ZFHX3: variants seen among roughly 807,000 people sequenced by gnomAD.
The protein encoded by ZFHX3 is zinc finger homeobox 3, also known as zinc finger homeobox protein 3.
In ZFHX3, 42 loss-of-function variants were observed where a neutral mutation model predicts 279.1. That is an observed-to-expected ratio of 0.15 (90% confidence interval 0.12 to 0.19). The LOEUF (loss-of-function observed/expected upper bound fraction) is 0.19, where lower values mean the gene tolerates loss of function less well. Ranked by LOEUF, ZFHX3 falls within the 10% of genes least tolerant of loss-of-function variation. The pLI, the probability that ZFHX3 is intolerant of heterozygous loss-of-function variation, is 1.00. For missense variants in ZFHX3, 4,981 were observed against 4,754.0 expected, an observed-to-expected ratio of 1.05 and a Z score of -1.40; for synonymous variants, 2,293 against 1,957.8, an observed-to-expected ratio of 1.17 and a Z score of -4.52.
intron 1 of ZFHX3, among the ~76,000 whole-genome samples, chr16:73,699,450 T>C (rs2053227410): frequency 1.3e-5 from 2 of 152,202 alleles, no homozygotes; most frequent in Admixed American, 6.5e-5. Context: ...TTCTCTATTG[T>C]TTTTACTTTG....
intron 2 of ZFHX3, among the ~76,000 whole-genome samples, chr16:73,538,593 G>C (rs896350293): frequency 1.8e-4 from 27 of 152,232 alleles, no homozygotes; most frequent in African/African-American, 6.3e-4. Flanking sequence ...CAAAAGATCT[G>C]GGAAAGTAAC....
intron 1 of ZFHX3, among the ~76,000 whole-genome samples, chr16:73,817,159 G>C (rs1196821374): frequency 6.6e-6 from 1 of 152,158 alleles, no homozygotes; most frequent in Non-Finnish European, 1.5e-5. Context: ...TTCACATGCA[G>C]CCACGTGCAT....
chr16:73,372,566 T>C (rs2016649963), intron 3 of ZFHX3, among the ~76,000 whole-genome samples: 1 of 152,232 alleles, frequency 6.6e-6, no homozygotes. Flanking sequence ...ATTCCTTGCA[T>C]CCTGTAATGA....
At chr16:73,747,171 T>G (rs1474596222) in intron 1 of ZFHX3, among the ~76,000 whole-genome samples, 1 of 152,210 alleles carries the variant, frequency 6.6e-6, no homozygotes, top group African/African-American at 2.4e-5. Context: ...AGAGAATCAC[T>G]TGAGGCCAGG....
At chr16:73,309,002 A>G (rs986190577) in intron 4 of ZFHX3, among the ~76,000 whole-genome samples, 1 of 152,160 alleles carries the variant, frequency 6.6e-6, no homozygotes, top group Admixed American at 6.5e-5. Context: ...GGGTTTATAT[A>G]GAAAACAAGA....
Position 72,959,614 on chromosome 16 carries a change from C to T in ZFHX3, c.532G>A (p.Gly178Arg), listed in dbSNP as rs1257800806. 2 of 1,614,038 alleles carry T rather than the reference C, an allele frequency of 1.2e-6. No individual in the cohort carries two copies. Among genetic ancestry groups the T allele is most frequent in the Non-Finnish European group, 8.5e-7 (1 of 1,180,044 alleles). ...CACGAAGGGTCCCCTTGCTTGCCCC[C>T]CGCGCCAGGGAGAGAGTTCAGGAAA... ...SLFLNSLPGA[G>R]GKQGDPSCAA... Residue 178 changes from glycine (G) to arginine (R), a missense_variant, in exon 2 of 10, where the codon GGG becomes AGG. Gly to Arg is a moderately radical substitution (Grantham distance 125). This residue lies in a region of ZFHX3 where 1,068 missense variants were observed against 935.2 expected (regional missense o/e 1.14). Coordinates refer to ENST00000268489, the MANE Select transcript of ZFHX3 (RefSeq NM_006885.4).
intron 3 of ZFHX3, among the ~76,000 whole-genome samples, chr16:73,350,642 T>C (rs1477727420): frequency 6.6e-6 from 1 of 152,210 alleles, no homozygotes; most frequent in Non-Finnish European, 1.5e-5. Context: ...GCTTCTCATA[T>C]AGGCTTATGT....
At chr16:73,842,295 C>T (rs1214303169) in intron 1 of ZFHX3, among the ~76,000 whole-genome samples, 2 of 152,094 alleles carry the variant, frequency 1.3e-5, no homozygotes, top group Non-Finnish European at 2.9e-5. Context: ...TTGATGCTTC[C>T]TGCCACCAGG....
intron 1 of ZFHX3, among the ~76,000 whole-genome samples, chr16:73,021,634 C>A (rs185689993): frequency 6.6e-6 from 1 of 151,444 alleles, no homozygotes; most frequent in African/African-American, 2.4e-5. Context: ...AGTTTGAGAC[C>A]AGCCTGGCCA....
chr16:73,804,959 A>AGAGGGAGAGGAAGGGAGGGAGG (rs1960239436), intron 1 of ZFHX3, among the ~76,000 whole-genome samples: 1 of 133,850 alleles, frequency 7.5e-6, no homozygotes, highest in African/African-American at 2.8e-5. Flanking sequence ...AGGGAGGGAG[A>AGAGGGAGAGGAAGGGAGGGAGG]GAGGGAGGGA....
At chr16:72,820,221 C>T (rs13336787) in intron 5 of ZFHX3, among the ~76,000 whole-genome samples, 4,693 of 152,254 alleles carry the variant, frequency 0.031, 260 homozygotes, top group African/African-American at 0.11. Flanking sequence ...GGTGGGCACA[C>T]GCTGACCGGT....
chr16:73,252,017 G>T (rs1012383926), intron 5 of ZFHX3, among the ~76,000 whole-genome samples: 5 of 136,370 alleles, frequency 3.7e-5, no homozygotes, highest in Admixed American at 7.5e-5. Context: ...ACCTCTTTAT[G>T]TCTTTGGGGG....
chr16:73,469,166 A>G (rs2018620626), intron 2 of ZFHX3, among the ~76,000 whole-genome samples: 1 of 152,194 alleles, frequency 6.6e-6, no homozygotes, highest in Non-Finnish European at 1.5e-5. Flanking sequence ...GATAATCTGA[A>G]CCTTGGAAAG....
At chr16:73,695,161 C>G (rs926100182) in intron 1 of ZFHX3, among the ~76,000 whole-genome samples, 3 of 152,236 alleles carry the variant, frequency 2.0e-5, no homozygotes, top group Admixed American at 6.5e-5. Context: ...TTTCAAGAGC[C>G]CTTTTAGCCA....
chr16:73,390,030 A>ACT lies in ZFHX3; in HGVS notation c.-1291+65972_-1291+65973insAG, dbSNP rs2016980397. Among the ~76,000 whole-genome samples the ACT allele has an allele frequency of 7.9e-5, 12 of 152,354 alleles. No individual in the cohort carries two copies. In the South Asian group the frequency reaches 2.1e-3, roughly 26 times the overall value. On this transcript the variant is annotated intron_variant, in intron 3 of 17. Transcript: ENST00000641206. The stretch of plus-strand genomic sequence containing the variant: ...AGCCGAGATTGCACCACTGCACTCC[A>ACT]GCCTGGGTGACAGAGCGAGACTCTG...
At chr16:73,651,816 C>G (rs1484419311) in intron 2 of ZFHX3, among the ~76,000 whole-genome samples, 1 of 146,630 alleles carries the variant, frequency 6.8e-6, no homozygotes, top group South Asian at 2.2e-4. Context: ...GATCACGCCA[C>G]TGCACTCCAG....
intron 9 of ZFHX3, among the ~76,000 whole-genome samples, chr16:72,792,458 CTTTT>C (rs768603840): frequency 2.0e-5 from 3 of 149,398 alleles, no homozygotes; most frequent in East Asian, 3.9e-4. Context: ...TCTGGTAGTT[CTTTT>C]TTTTTTCTTT....
Position 72,787,855 on chromosome 16 carries a change from A to T in ZFHX3, c.10421T>A (p.Phe3474Tyr). The change falls in exon 10 of 10, where the codon TTC becomes TAC. Residue 3474 changes from phenylalanine to tyrosine, a missense_variant. This residue lies in a region of ZFHX3 where 1,034 missense variants were observed against 786.0 expected (regional missense o/e 1.32). Transcript: ENST00000268489. ...GCTCCTCGCTGCCTCCTCGTCGCTG[A>T]AGCCCGCCTGGCACTTGCGGCAGAC... ...KLVCRKCQAG[F>Y]SDEEAARSHL... 1 of 1,613,976 alleles carries T rather than the reference A, an allele frequency of 6.2e-7. No homozygotes were observed. The highest frequency in any genetic ancestry group is 1.3e-5 in the African/African-American group (1 of 75,026).
chr16:73,456,905 A>G (rs1407550645), intron 2 of ZFHX3, among the ~76,000 whole-genome samples: 2 of 152,252 alleles, frequency 1.3e-5, no homozygotes, highest in Non-Finnish European at 2.9e-5. Context: ...ATTCCGAGCA[A>G]AATACTTGAA....
Sources: allele counts gnomAD v4.1 joint callset (sites outside exome capture counted in the v4.1 genomes callset), GRCh38; gene constraint gnomAD v4.1.1; regional missense constraint gnomAD v4.1.1; transcripts MANE v1.5; gene names NCBI Gene and HGNC (gene_info 2026-07-23, HGNC 2026-07-21).